CTCFL: variants seen among roughly 807,000 people sequenced by gnomAD.
The protein encoded by CTCFL is transcriptional repressor CTCFL.
CTCFL carries 36 observed loss-of-function variants against 67.4 expected under a neutral mutation model. The observed-to-expected ratio is 0.53, with a 90% CI of 0.41 to 0.71. The LOEUF is 0.71. Among genes scored for constraint, CTCFL ranks in the 30% least tolerant of loss-of-function variants. The pLI is 0.00. For missense variants in CTCFL, 786 were observed against 835.2 expected (o/e 0.94, Z 0.73); for synonymous variants, 324 against 302.3 (o/e 1.07, Z -0.75).
At chr20:57,524,692 A>G (rs2069724303) in intron 1 of CTCFL, 13 of 998,182 alleles carry the variant, frequency 1.3e-5, no homozygotes, top group Non-Finnish European at 1.6e-5. Context: ...CCCGGCGCCC[A>G]GCGAGGTTCG....
intron 5 of CTCFL, among the ~76,000 whole-genome samples, chr20:57,516,606 C>T (rs1481130660): frequency 6.6e-6 from 1 of 152,166 alleles, no homozygotes. Context: ...TATGTCTTGC[C>T]TCATGGTCAC....
In CTCFL at chr20:57,503,552, G is replaced by A. The variant is rs772632036; in HGVS notation, c.1724C>T (p.Ser575Leu). The part of the protein sequence containing the change: ...SEKCGSGEAK[S>L]AASGKGRRTR... The stretch of plus-strand genomic sequence containing the variant: ...TCTTCTTCCCTTTCCTGAAGCAGCC[G>A]ACTTTGCTTCCCCTGATCCACACTT... The change falls in exon 10 of 11, where the codon TCG becomes TTG. Residue 575 changes from serine (S) to leucine (L), a missense_variant. Physicochemically the swap from Ser to Leu is moderately radical, Grantham distance 145 (BLOSUM62 -2). Around this residue, in one of 3 missense-constraint regions of CTCFL, gnomAD observed 199 missense variants for 196.7 expected, o/e 1.01. Transcript: ENST00000243914. The A allele has an allele frequency of 1.2e-5, 19 of 1,613,886 alleles. No individual in the cohort carries two copies. In the Middle Eastern group the frequency reaches 4.9e-4, roughly 42 times the overall value.
chr20:57,515,732 G>A lies in CTCFL; in HGVS notation c.1162C>T (p.His388Tyr). 6.2e-7 allele frequency: 1 copy of A among 1,614,132 alleles called. No homozygotes were observed. Among genetic ancestry groups the A allele is most frequent in the Non-Finnish European group, 8.5e-7 (1 of 1,180,012 alleles). ...ASRDTYKLKRHMRTHSGEKPY... is the reference protein window; with the variant it reads ...ASRDTYKLKRYMRTHSGEKPY... ...CCCTTACCTGAGTGCGTTCTCATGT[G>A]GCGTTTCAGCTTGTAGGTATCTCTG... Residue 388 changes from histidine (H) to tyrosine (Y), a missense_variant, in exon 6 of 11, where the codon CAC becomes TAC. By Grantham distance (83) the His-to-Tyr change is moderately conservative (BLOSUM62 2). Around this residue, in one of 3 missense-constraint regions of CTCFL, gnomAD observed 254 missense variants for 333.9 expected, o/e 0.76. Transcript: ENST00000243914.
rs200154083 is a variant in CTCFL, at chr20:57,505,210, AT to A, written c.1675-1610del. 6.9e-3 allele frequency among the ~76,000 whole-genome samples: 1,045 copies of A among 151,218 alleles called. 12 individuals are homozygous for A. The highest frequency in any genetic ancestry group is 0.022 in the African/African-American group (923 of 41,374). Reference sequence around the variant, plus strand: ...AGCCAAAAGCTAGCTTGCTTTAAGTATTTTTTTTTAATAATAGAAATCAATG... The same window carrying A: ...AGCCAAAAGCTAGCTTGCTTTAAGTATTTTTTTTAATAATAGAAATCAATG... On this transcript the variant is annotated intron_variant, in intron 9 of 10. Coordinates refer to ENST00000243914, the MANE Select transcript of CTCFL (RefSeq NM_001386993.1).
At chr20:57,507,553 T>C in intron 9 of CTCFL, 1 of 701,966 alleles carries the variant, frequency 1.4e-6, no homozygotes, top group Non-Finnish European at 2.6e-6. Flanking sequence ...CTACTTGCAC[T>C]CTCTCACTTG....
At chr20:57,523,525 C>G (rs2069558649) in intron 2 of CTCFL, 138 bp downstream of exon 2, 1 of 1,266,564 alleles carries the variant, frequency 7.9e-7, no homozygotes. Flanking sequence ...TAAGAACTCT[C>G]AAGATTTTCC....
intron 3 of CTCFL, 39 bp downstream of exon 3, chr20:57,523,029 A>G (rs781121652): frequency 3.0e-5 from 45 of 1,503,544 alleles, no homozygotes; most frequent in Non-Finnish European, 3.5e-5. Flanking sequence ...ACAGCAGCCC[A>G]GTTTTAGGGA....
Position 57,523,196 on chromosome 20 carries a change from T to C in CTCFL, c.626A>G (p.Asp209Gly), listed in dbSNP as rs1383235891. 6.2e-7 allele frequency: 1 copy of C among 1,613,928 alleles called. No individual in the cohort carries two copies. Among genetic ancestry groups the C allele is most frequent in the Non-Finnish European group, 8.5e-7 (1 of 1,180,022 alleles). Residue 209 changes from aspartate (D) to glycine (G), a missense_variant, in exon 3 of 11, where the codon GAT (aspartate) becomes GGT (glycine). Around this residue, in one of 3 missense-constraint regions of CTCFL, gnomAD observed 333 missense variants for 304.6 expected, o/e 1.09. Transcript: ENST00000243914. ...QLFFVETMSG[D>G]ERSDEIVLTV... ...GAGAACAATTTCGTCACTTCTTTCA[T>C]CTCCTGACATTGTTTCCACAAAAAA...
intron 5 of CTCFL, 59 bp from the exon 6 acceptor site, chr20:57,515,893 C>A: frequency 6.6e-7 from 1 of 1,525,306 alleles, no homozygotes; most frequent in Non-Finnish European, 8.9e-7. Context: ...CAGAGTCTTC[C>A]ATTAATCAGC....
chr20:57,495,981 T>A (rs563461985), downstream of CTCFL: 746 of 327,680 alleles, frequency 2.3e-3, 4 homozygotes, highest in African/African-American at 0.014. Context: ...CAAACATATT[T>A]ATGTTATCTG....
At chr20:57,501,077 C>T (rs909779852) in intron 10 of CTCFL, among the ~76,000 whole-genome samples, 2 of 152,122 alleles carry the variant, frequency 1.3e-5, no homozygotes, top group African/African-American at 4.8e-5. Context: ...TCTGTCTTCT[C>T]CAGTAAAGGA....
chr20:57,514,462 T>C, intron 7 of CTCFL, 130 bp downstream of exon 7: 1 of 1,070,370 alleles, frequency 9.3e-7, no homozygotes, highest in Non-Finnish European at 1.4e-6. Context: ...TGGAAGAAAA[T>C]TCGTCCCAGG....
At position 57,503,923 on chromosome 20, in the gene CTCFL, T is replaced by C. The variant is rs1304236604; in HGVS notation, c.1675-322A>G. Among the ~76,000 whole-genome samples, 5 of 140,226 alleles carry C rather than the reference T, an allele frequency of 3.6e-5. No individual in the cohort carries two copies. The South Asian group carries it at 8.9e-4, about 25-fold the overall frequency. 92.0% of individuals were successfully genotyped at this position (140,226 alleles called of 152,430 possible). ...CTGTACCACTGCACTCCAGCCTGAG[T>C]GACAGAAAAAAAAAAAAAAGAAAGA... On this transcript the variant is annotated intron_variant, in intron 9 of 10. Transcript: ENST00000243914.
rs568018309 is a variant in CTCFL at position 57,504,125 on chromosome 20, C to T, written c.1675-524G>A. Among the ~76,000 whole-genome samples the T allele has an allele frequency of 2.4e-3, 366 of 151,020 alleles. 5 individuals are homozygous for T. Among genetic ancestry groups the T allele is most frequent in the Non-Finnish European group, 1.3e-3 (89 of 67,712 alleles). ...CCAAGTAGCTGGGACTACAGGCACCCGTCACCACGCCCGGCTGATTTTTTA... is the reference window on the plus strand; with the variant it reads ...CCAAGTAGCTGGGACTACAGGCACCTGTCACCACGCCCGGCTGATTTTTTA... On this transcript the variant is annotated intron_variant, in intron 9 of 10. Transcript: ENST00000243914.
chr20:57,510,889 A>T (rs1442747395), intron 8 of CTCFL, among the ~76,000 whole-genome samples: 1 of 152,114 alleles, frequency 6.6e-6, no homozygotes, highest in African/African-American at 2.4e-5. Context: ...ATTCAGATGG[A>T]TTCCTATCTC....
At position 57,508,699 on chromosome 20, in the gene CTCFL, T is replaced by G. The variant is rs1195110513; in HGVS notation, c.1581A>C (p.Gln527His). 6.2e-7 allele frequency: 1 copy of G among 1,614,028 alleles called. No homozygotes were observed. The highest frequency in any genetic ancestry group is 8.5e-7 in the Non-Finnish European group (1 of 1,180,024). Reference sequence around the variant, plus strand: ...ATTTCCTGAAGTGAGCGTTTAGAAGTTGCTTCTGTCGGAAACATTTATTGC... The same window carrying G: ...ATTTCCTGAAGTGAGCGTTTAGAAGGTGCTTCTGTCGGAAACATTTATTGC... ...LSCNKCFRQK[Q>H]LLNAHFRKYH... Residue 527 changes from glutamine to histidine, a missense_variant, in exon 9 of 11, where the codon CAA becomes CAC. Coordinates refer to ENST00000243914, the MANE Select transcript of CTCFL (RefSeq NM_001386993.1).
chr20:57,515,030 T>TA (rs1444889763), intron 6 of CTCFL: 9 of 395,348 alleles, frequency 2.3e-5, no homozygotes, highest in Non-Finnish European at 3.6e-5. Flanking sequence ...GAAGTACACA[T>TA]AAATGTATTC....
rs1491579485 is a variant in CTCFL at position 57,508,384 on chromosome 20, T to TC, written c.1674+221_1674+222insG. Among the ~76,000 whole-genome samples the TC allele has an allele frequency of 4.7e-5, 6 of 128,454 alleles. No individual in the cohort carries two copies. In the East Asian group the frequency reaches 1.2e-3, roughly 26 times the overall value. The allele number at this position is 128,454 out of a possible 152,430, so 84.3% of individuals were successfully genotyped here. On this transcript the variant is annotated intron_variant, in intron 9 of 10. Coordinates refer to ENST00000243914, the MANE Select transcript of CTCFL (RefSeq NM_001386993.1). ...TAAGATTTTGTGTGTTGGATTGTCC[T>TC]TTTTTTTTTTTTTAGGGGATGAGGA...
chr20:57,513,643 T>G, intron 7 of CTCFL: 1 of 1,181,056 alleles, frequency 8.5e-7, no homozygotes, highest in Non-Finnish European at 1.1e-6. Context: ...TGTGATGTGC[T>G]GGTATCTACG....
Sources: gnomAD v4.1 joint callset for allele counts (sites outside exome capture counted in the v4.1 genomes callset) on GRCh38, gnomAD v4.1.1 for gene constraint, gnomAD v4.1.1 regional missense constraint, MANE v1.5 for transcripts, NCBI Gene and HGNC (gene_info 2026-07-23, HGNC 2026-07-21) for gene names.